NDUFA6: variants seen among roughly 807,000 people sequenced by gnomAD.
NDUFA6 encodes the protein NADH dehydrogenase [ubiquinone] 1 alpha subcomplex subunit 6.
In NDUFA6, 10 loss-of-function variants were observed where a neutral mutation model predicts 12.5. The ratio of observed to expected loss-of-function variants is 0.80; its 90% confidence interval spans 0.49 to 1.35. NDUFA6 has a LOEUF of 1.35. Ranked by LOEUF, NDUFA6 falls within the 40% of genes most tolerant of loss-of-function variation. NDUFA6 has a pLI of 0.00. For synonymous variants in NDUFA6, 66 were observed against 63.0 expected (o/e 1.05, Z -0.23); for missense variants, 177 against 173.5 (o/e 1.02, Z -0.11).
At position 42,090,748 on chromosome 22, in the gene NDUFA6, G is replaced by C. The variant is rs376656397; in HGVS notation, c.-4C>G. On this transcript the variant is annotated 5_prime_UTR_variant, in exon 1 of 3. Transcript: ENST00000498737. ...GGCGGACGCCGCTCCCCGCCATCTTGCCAAAGCATCCACTCCACAACCCCA... is the reference window on the plus strand; with the variant it reads ...GGCGGACGCCGCTCCCCGCCATCTTCCCAAAGCATCCACTCCACAACCCCA... 52 of 1,614,068 alleles carry C rather than the reference G, an allele frequency of 3.2e-5. No individual in the cohort carries two copies. The highest frequency in any genetic ancestry group is 4.2e-5 in the Non-Finnish European group (50 of 1,180,052).
At chr22:42,087,226 C>A in intron 1 of NDUFA6, 51 bp from the exon 2 acceptor site, 1 of 1,354,316 alleles carries the variant, frequency 7.4e-7, no homozygotes, top group Non-Finnish European at 1.1e-6. Flanking sequence ...TAAATAAAAC[C>A]TAGAGTCAAA....
chr22:42,087,081 C>T lies in NDUFA6; in HGVS notation c.234G>A (p.Val78=). The change falls in exon 2 of 3, where the codon GTG becomes GTA. Residue 78 remains valine (V), a synonymous_variant. Coordinates refer to ENST00000498737, the MANE Select transcript of NDUFA6 (RefSeq NM_002490.6). ...TTACCTTAATGACCAGAAGATCAACCACCCTGGGGTCTGTGACATGGGCAT... is the reference window on the plus strand; with the variant it reads ...TTACCTTAATGACCAGAAGATCAACTACCCTGGGGTCTGTGACATGGGCAT... ...MKNAHVTDPR[V]VDLLVIKGKI... 2 of 1,613,874 alleles carry T rather than the reference C, an allele frequency of 1.2e-6. No homozygotes were observed. The highest frequency in any genetic ancestry group is 2.2e-5 in the South Asian group (2 of 91,070).
chr22:42,088,456 A>C (rs1568991252), intron 1 of NDUFA6, among the ~76,000 whole-genome samples: 3 of 151,934 alleles, frequency 2.0e-5, no homozygotes, highest in Admixed American at 1.3e-4. Flanking sequence ...GCGGTGGCTC[A>C]CGCCTGTAAT....
At chr22:42,087,219 A>AT in intron 1 of NDUFA6, 44 bp from the exon 2 acceptor site, 1 of 1,395,360 alleles carries the variant, frequency 7.2e-7, no homozygotes, top group Non-Finnish European at 1.0e-6. Context: ...GTATGGTTAA[A>AT]TAAAACCTAG....
chr22:42,086,231 T>G lies in NDUFA6; in HGVS notation c.339A>C (p.Pro113=), dbSNP rs1335298682. 1 of 1,614,122 alleles carries G rather than the reference T, an allele frequency of 6.2e-7. No homozygotes were observed. The highest frequency in any genetic ancestry group is 2.2e-5 in the East Asian group (1 of 44,898). Residue 113 remains proline, a synonymous_variant, in exon 3 of 3, where the codon CCA becomes CCC. Transcript: ENST00000498737. ...VMRFFHETEA[P]RPKDFLSKFY... ...ACTTGGATAGGAAATCCTTTGGCCTTGGCGCTTCTGTTTCATGGAAGAACC... is the reference window on the plus strand; with the variant it reads ...ACTTGGATAGGAAATCCTTTGGCCTGGGCGCTTCTGTTTCATGGAAGAACC...
chr22:42,089,324 C>T (rs1928472862), intron 1 of NDUFA6, among the ~76,000 whole-genome samples: 1 of 86,276 alleles, frequency 1.2e-5, no homozygotes, highest in South Asian at 3.4e-4. Flanking sequence ...TGCACCACCC[C>T]GAAACACACA....
At position 42,085,698 on chromosome 22, in the gene NDUFA6, G is replaced by A. The variant is rs1479883554; in HGVS notation, c.*485C>T. ...TAAGGGCTGGAGCTTGTTACAAGTA[G>A]CGGAGCCAAGCCTTTGCACATCCAT... On this transcript the variant is annotated 3_prime_UTR_variant, in exon 3 of 3. Coordinates refer to ENST00000498737, the MANE Select transcript of NDUFA6 (RefSeq NM_002490.6). 4.5e-6 allele frequency: 1 copy of A among 224,088 alleles called. No homozygotes were observed. The highest frequency in any genetic ancestry group is 9.0e-6 in the Non-Finnish European group (1 of 111,280). The allele number at this position is 224,088 out of a possible 1,614,324, so 13.9% of individuals were successfully genotyped here.
Position 42,090,599 on chromosome 22 carries a change from C to G in NDUFA6, c.139+7G>C, listed in dbSNP as rs957578584. ...TCCGGGTCCCCACGTAAGCCGCTAC[C>G]TCTCACCAGTGTTCGGCACCTCCCG... On this transcript the variant is annotated splice_region_variant and intron_variant, in intron 1 of 2. Coordinates refer to ENST00000498737, the MANE Select transcript of NDUFA6 (RefSeq NM_002490.6). 1.7e-5 allele frequency: 28 copies of G among 1,613,460 alleles called. No homozygotes were observed. In the Middle Eastern group the frequency reaches 4.9e-4, roughly 28 times the overall value.
Position 42,086,036 on chromosome 22 carries a change from G to A in NDUFA6, c.*147C>T, listed in dbSNP as rs1928215611. 1.0e-6 allele frequency: 1 copy of A among 961,588 alleles called. No homozygotes were observed. The highest frequency in any genetic ancestry group is 1.7e-6 in the Non-Finnish European group (1 of 599,040). 59.6% of individuals were successfully genotyped at this position (961,588 alleles called of 1,614,324 possible). A position where few individuals can be genotyped will look rare whatever the true frequency, so the allele number is the denominator to read the frequency against. On this transcript the variant is annotated 3_prime_UTR_variant, in exon 3 of 3. Transcript: ENST00000498737. ...CAAGAAAAGGGAAAGAACAGGTGAT[G>A]TGTATACCAAGGTCCCACTTGCTCA...
intron 1 of NDUFA6, 192 bp from the exon 2 acceptor site, chr22:42,087,367 T>C (rs1410953977): frequency 3.3e-6 from 2 of 605,436 alleles, no homozygotes; most frequent in Admixed American, 2.7e-5. Flanking sequence ...TATTATTTGT[T>C]TGGGGAAAAA....
chr22:42,090,424 A>C (rs1928565838), intron 1 of NDUFA6, among the ~76,000 whole-genome samples, 182 bp downstream of exon 1: 2 of 152,202 alleles, frequency 1.3e-5, no homozygotes, highest in African/African-American at 2.4e-5. Flanking sequence ...GGCCGGTCTG[A>C]CCACCGCGCC....
chr22:42,087,801 C>CA (rs56321821), intron 1 of NDUFA6, among the ~76,000 whole-genome samples: 16 of 141,408 alleles, frequency 1.1e-4, no homozygotes, highest in African/African-American at 3.2e-4. Flanking sequence ...GACTCCGTCT[C>CA]AAAAAAAATA....
Position 42,090,677 on chromosome 22 carries a change from C to T in NDUFA6, c.68G>A (p.Arg23Gln), listed in dbSNP as rs536128951. 2 of 1,614,056 alleles carry T rather than the reference C, an allele frequency of 1.2e-6. No individual in the cohort carries two copies. Among genetic ancestry groups the T allele is most frequent in the African/African-American group, 1.3e-5 (1 of 74,946 alleles). The change falls in exon 1 of 3, where the codon CGG (arginine) becomes CAG (glutamine). Residue 23 changes from arginine (R) to glutamine (Q), a missense_variant. Around this residue, in one of 3 missense-constraint regions of NDUFA6, gnomAD observed 111 missense variants for 87.2 expected, o/e 1.27. Transcript: ENST00000498737. Reference sequence around the variant, plus strand: ...CCTCCGCTTGGCCTCGTTCATGTCCCGACTGAAAATGGGCTTCACGAAGGT... The same window carrying T: ...CCTCCGCTTGGCCTCGTTCATGTCCTGACTGAAAATGGGCTTCACGAAGGT... ...ASTFVKPIFS[R>Q]DMNEAKRRVR...
chr22:42,086,288 A>C lies in NDUFA6; in HGVS notation c.282T>G (p.Ile94Met), dbSNP rs932181627. The C allele has an allele frequency of 6.2e-7, 1 of 1,613,836 alleles. No homozygotes were observed. The highest frequency in any genetic ancestry group is 8.5e-7 in the Non-Finnish European group (1 of 1,179,882). ...IKGKIELEET[I>M]KVWKQRTHVM... ...CATGTGTCCGCTGCTTCCATACTTT[A>C]ATTGTTTCTTCCAGTTCGATCTTTC... Residue 94 changes from isoleucine (I) to methionine (M), a missense_variant, in exon 3 of 3, where the codon ATT (isoleucine) becomes ATG (methionine). Physicochemically the swap from Ile to Met is conservative, Grantham distance 10 (BLOSUM62 1). Coordinates refer to ENST00000498737, the MANE Select transcript of NDUFA6 (RefSeq NM_002490.6).
chr22:42,090,758 C>T lies in NDUFA6; in HGVS notation c.-14G>A, dbSNP rs1568993245. On this transcript the variant is annotated 5_prime_UTR_variant, in exon 1 of 3. Transcript: ENST00000498737. ...GCTCCCCGCCATCTTGCCAAAGCAT[C>T]CACTCCACAACCCCACCCCTTTGCA... is the stretch of plus-strand genomic sequence containing the variant. The T allele has an allele frequency of 3.7e-6, 6 of 1,614,238 alleles. No homozygotes were observed. Among genetic ancestry groups the T allele is most frequent in the East Asian group, 4.5e-5 (2 of 44,886 alleles).
intron 1 of NDUFA6, among the ~76,000 whole-genome samples, chr22:42,090,382 A>G (rs1928561824): frequency 6.6e-6 from 1 of 152,204 alleles, no homozygotes; most frequent in African/African-American, 2.4e-5. Flanking sequence ...AAAGAGACCA[A>G]AGCTCCGATA....
At position 42,085,947 on chromosome 22, in the gene NDUFA6, G is replaced by C; in HGVS notation, c.*236C>G. The C allele has an allele frequency of 1.6e-6, 1 of 607,596 alleles. No individual in the cohort carries two copies. Among genetic ancestry groups the C allele is most frequent in the South Asian group, 2.0e-5 (1 of 50,896 alleles). The allele number at this position is 607,596 out of a possible 1,614,324, so 37.6% of individuals were successfully genotyped here. On this transcript the variant is annotated 3_prime_UTR_variant, in exon 3 of 3. Transcript: ENST00000498737. ...TGAACAGATGGCCTCCTTCCTTCCTGTTTACTGACATGCAAGGCTCTGAGA... is the reference window on the plus strand; with the variant it reads ...TGAACAGATGGCCTCCTTCCTTCCTCTTTACTGACATGCAAGGCTCTGAGA...
rs1228119488 is a variant in NDUFA6, at chr22:42,087,156, G to A, written c.159C>T (p.Asp53=). 3.1e-6 allele frequency: 5 copies of A among 1,613,700 alleles called. No homozygotes were observed. Among genetic ancestry groups the A allele is most frequent in the Non-Finnish European group, 2.5e-6 (3 of 1,179,708 alleles). Residue 53 remains aspartate (D), a synonymous_variant, in exon 2 of 3, where the codon GAC becomes GAT. Coordinates refer to ENST00000498737, the MANE Select transcript of NDUFA6 (RefSeq NM_002490.6). ...TATCCCGTCCCATTTTCACAGTGAT[G>A]TCCAGCTGGAATTGGTGCACTAGAG... The part of the protein sequence containing the change: ...VPNTVHQFQL[D]ITVKMGRDKV...
At chr22:42,086,337 ATCAG>A (rs747867418) in intron 2 of NDUFA6, 23 bp from the exon 3 acceptor site, 3 of 1,614,066 alleles carry the variant, frequency 1.9e-6, no homozygotes, top group Non-Finnish European at 2.5e-6. Context: ...GAGAGAGGTC[ATCAG>A]TCAAAGTTGT....
Sources: gnomAD v4.1 joint callset for allele counts (sites outside exome capture counted in the v4.1 genomes callset) on GRCh38, gnomAD v4.1.1 for gene constraint, gnomAD v4.1.1 regional missense constraint, MANE v1.5 for transcripts, NCBI Gene and HGNC (gene_info 2026-07-23, HGNC 2026-07-21) for gene names.